The following KIAA0319 variants were observed in gnomAD, a reference collection of about 807,000 sequenced individuals.
The protein encoded by KIAA0319 is KIAA0319, also known as dyslexia-associated protein KIAA0319.
KIAA0319 carries 83 observed loss-of-function variants against 108.4 expected under a neutral mutation model. The observed-to-expected ratio is 0.77, with a 90% CI of 0.64 to 0.92. KIAA0319 has a LOEUF of 0.92. Ranked by LOEUF, KIAA0319 falls within the 40% of genes least tolerant of loss-of-function variation. KIAA0319 has a pLI of 0.00. For synonymous variants in KIAA0319, 484 were observed against 510.4 expected, an observed-to-expected ratio of 0.95 and a Z score of 0.70; for missense variants, 1,195 against 1,322.4, an observed-to-expected ratio of 0.90 and a Z score of 1.49.
intron 1 of KIAA0319, among the ~76,000 whole-genome samples, chr6:24,610,781 C>T (rs1474405065): frequency 2.8e-5 from 4 of 145,234 alleles, no homozygotes; most frequent in African/African-American, 1.0e-4. Flanking sequence ...TCCCTCAAAA[C>T]AAAAAAAAAA....
chr6:24,619,313 G>T (rs562231495), intron 1 of KIAA0319, among the ~76,000 whole-genome samples: 1 of 152,148 alleles, frequency 6.6e-6, no homozygotes, highest in Non-Finnish European at 1.5e-5. Context: ...GTGAGAGGAC[G>T]GTGTCTTGCA....
At chr6:24,641,901 A>T (rs1776940413) in intron 1 of KIAA0319, among the ~76,000 whole-genome samples, 1 of 151,430 alleles carries the variant, frequency 6.6e-6, no homozygotes, top group Non-Finnish European at 1.5e-5. Flanking sequence ...GCTTGGTGGT[A>T]TGCGCCTGTA....
At position 24,599,817 on chromosome 6, in the gene KIAA0319, C is replaced by T; in HGVS notation, c.55+1232G>A. 1 of 459,946 alleles carries T rather than the reference C, an allele frequency of 2.2e-6. No homozygotes were observed. Among genetic ancestry groups the T allele is most frequent in the South Asian group, 1.8e-5 (1 of 54,280 alleles). The allele number at this position is 459,946 out of a possible 1,614,324, so 28.5% of individuals were successfully genotyped here. ...GGCCACAGCAGCCCCTCCCAGCCTA[C>T]CCCCTCCTGTGACTGCCCCAGAGCC... On this transcript the variant is annotated intron_variant, in intron 2 of 20. Coordinates refer to ENST00000378214, the MANE Select transcript of KIAA0319 (RefSeq NM_014809.4). The surrounding 1 kb of genome is among the most constrained non-coding windows in gnomAD (Gnocchi z 4.1).
chr6:24,579,417 ATATATATATATATATCT>A (rs1766056698), intron 8 of KIAA0319, among the ~76,000 whole-genome samples: 3 of 142,490 alleles, frequency 2.1e-5, no homozygotes, highest in African/African-American at 2.7e-5. Context: ...ATAAAGATAT[ATATATATATATATATCT>A]TATATATCTC....
At chr6:24,564,799 T>C (rs1487790740) in intron 14 of KIAA0319, among the ~76,000 whole-genome samples, 2 of 152,362 alleles carry the variant, frequency 1.3e-5, no homozygotes, top group Middle Eastern at 3.4e-3. Flanking sequence ...TGTGGGCTTC[T>C]AAGCTCCAAA....
chr6:24,541,468 G>A (rs1760189679), downstream of KIAA0319, among the ~76,000 whole-genome samples: 1 of 152,230 alleles, frequency 6.6e-6, no homozygotes, highest in Non-Finnish European at 1.5e-5. Flanking sequence ...GGTACTGGGG[G>A]TTAGAGCTTC....
intron 1 of KIAA0319, among the ~76,000 whole-genome samples, chr6:24,613,691 A>AC (rs1039821242): frequency 6.6e-5 from 10 of 151,884 alleles, no homozygotes; most frequent in African/African-American, 2.4e-4. Flanking sequence ...AAAAAAAAAA[A>AC]CAAAATGAGG....
At chr6:24,549,783 C>A (rs756727403) in intron 20 of KIAA0319, among the ~76,000 whole-genome samples, 1 of 152,100 alleles carries the variant, frequency 6.6e-6, no homozygotes, top group African/African-American at 2.4e-5. Context: ...TATTAGTTCA[C>A]GGGTGAAACT....
intron 11 of KIAA0319, among the ~76,000 whole-genome samples, chr6:24,570,335 A>G (rs1764527006): frequency 6.6e-6 from 1 of 152,188 alleles, no homozygotes; most frequent in Admixed American, 6.5e-5. Flanking sequence ...CACGCCTGTA[A>G]TCCAGCACTT....
chr6:24,553,550 G>T (rs2760175), intron 19 of KIAA0319, among the ~76,000 whole-genome samples: 44,355 of 151,420 alleles, frequency 0.29, 7,802 homozygotes, highest in African/African-American at 0.49. Flanking sequence ...GAGCTGGCTA[G>T]AAAGACATTC....
chr6:24,580,558 C>T (rs1187834161), intron 7 of KIAA0319, among the ~76,000 whole-genome samples: 2 of 152,148 alleles, frequency 1.3e-5, no homozygotes, highest in African/African-American at 2.4e-5. Flanking sequence ...TACATTTTCC[C>T]CTGACCTCTT....
rs755681686 is a variant in KIAA0319 at position 24,601,099 on chromosome 6, G to A, written c.5C>T (p.Ala2Val). Reference sequence around the variant, plus strand: ...TGAAGAGAGCACACCTGTGGGGGGCGCCATTGTGCACCACACAGTGGGTGA... The same window carrying A: ...TGAAGAGAGCACACCTGTGGGGGGCACCATTGTGCACCACACAGTGGGTGA... M[A>V]PPTGVLSSLL... The change falls in exon 2 of 21, where the codon GCG becomes GTG. Residue 2 changes from alanine to valine, a missense_variant. Physicochemically the swap from Ala to Val is moderately conservative, Grantham distance 64. Transcript: ENST00000378214. The A allele has an allele frequency of 2.8e-5, 45 of 1,613,924 alleles. No individual in the cohort carries two copies. The highest frequency in any genetic ancestry group is 3.5e-5 in the Non-Finnish European group (41 of 1,179,960).
At chr6:24,632,702 A>C (rs1582338504) in intron 1 of KIAA0319, among the ~76,000 whole-genome samples, 1 of 152,254 alleles carries the variant, frequency 6.6e-6, no homozygotes, top group Non-Finnish European at 1.5e-5. Flanking sequence ...ATAAGACAGC[A>C]CATGCAGCTA....
intron 1 of KIAA0319, among the ~76,000 whole-genome samples, chr6:24,628,999 C>T (rs1289294177): frequency 2.0e-5 from 3 of 152,158 alleles, no homozygotes; most frequent in Admixed American, 6.5e-5. Context: ...GGGGACACCA[C>T]GCAACCCATA....
At chr6:24,634,421 GT>G (rs1775952986) in intron 1 of KIAA0319, among the ~76,000 whole-genome samples, 1 of 152,148 alleles carries the variant, frequency 6.6e-6, no homozygotes, top group Non-Finnish European at 1.5e-5. Flanking sequence ...AGATGTACAA[GT>G]AATATTTCCA....
At chr6:24,585,827 A>G (rs1482764764) in intron 4 of KIAA0319, among the ~76,000 whole-genome samples, 1 of 152,152 alleles carries the variant, frequency 6.6e-6, no homozygotes, top group Non-Finnish European at 1.5e-5. Flanking sequence ...AGTGGCTCAC[A>G]CCTGTAATCC....
At chr6:24,594,168 C>A (rs1582121054) in intron 3 of KIAA0319, among the ~76,000 whole-genome samples, 1 of 116,762 alleles carries the variant, frequency 8.6e-6, no homozygotes, top group African/African-American at 3.4e-5. Flanking sequence ...CACTGCACTC[C>A]AGCCTGGGTG....
At position 24,576,596 on chromosome 6, in the gene KIAA0319, C is replaced by T; in HGVS notation, c.1506G>A (p.Arg502=). The T allele has an allele frequency of 1.9e-6, 3 of 1,612,772 alleles. No homozygotes were observed. Among genetic ancestry groups the T allele is most frequent in the East Asian group, 2.2e-5 (1 of 44,860 alleles). The change falls in exon 10 of 21, where the codon AGG becomes AGA. Residue 502 remains arginine (R), a splice_region_variant and synonymous_variant. Transcript: ENST00000378214. ...CTCCGTCCGAGTCTGTAACAGTCAACCTACAAAAAGGAGAAGAAGCCGTAG... is the reference window on the plus strand; with the variant it reads ...CTCCGTCCGAGTCTGTAACAGTCAATCTACAAAAAGGAGAAGAAGCCGTAG... ...SNLDPGNYSF[R]LTVTDSDGAT...
intron 16 of KIAA0319, among the ~76,000 whole-genome samples, chr6:24,561,941 G>A (rs1763162618): frequency 6.6e-6 from 1 of 152,202 alleles, no homozygotes; most frequent in South Asian, 2.1e-4. Context: ...GACCTCAAGT[G>A]ATCTGCCCAC....
Sources: gnomAD v4.1 joint callset for allele counts (sites outside exome capture counted in the v4.1 genomes callset) on GRCh38, gnomAD v4.1.1 for gene constraint, Gnocchi (gnomAD v3.1) non-coding constraint, MANE v1.5 for transcripts, NCBI Gene and HGNC (gene_info 2026-07-23, HGNC 2026-07-21) for gene names.